The following ANO3 variants were observed in gnomAD, a reference collection of about 807,000 sequenced individuals.
The protein encoded by ANO3 is anoctamin-3.
A neutral mutation model predicts 144.8 loss-of-function variants in ANO3; 99 were observed. The observed-to-expected ratio is 0.68, with a 90% CI of 0.58 to 0.81. The LOEUF (loss-of-function observed/expected upper bound fraction) is 0.81. Ranked by LOEUF, ANO3 falls within the 30% of genes least tolerant of loss-of-function variation. The pLI is 0.00. For synonymous variants in ANO3, 414 were observed against 392.6 expected (o/e 1.05, Z -0.64); for missense variants, 905 against 1,202.2 (o/e 0.75, Z 3.66).
At chr11:26,561,106 T>C (rs1332730477) in intron 14 of ANO3, 3 of 1,612,442 alleles carry the variant, frequency 1.9e-6, no homozygotes, top group African/African-American at 2.7e-5. Flanking sequence ...TCCATAGGAA[T>C]GCCATCACGT....
chr11:26,428,893 A>G (rs1857997839), intron 1 of ANO3, among the ~76,000 whole-genome samples: 1 of 152,170 alleles, frequency 6.6e-6, no homozygotes, highest in Non-Finnish European at 1.5e-5. Flanking sequence ...CGAGAACTCT[A>G]AAGAATATAG....
chr11:26,266,501 T>A (rs2133831882), intron 1 of ANO3, among the ~76,000 whole-genome samples: 1 of 149,682 alleles, frequency 6.7e-6, no homozygotes, highest in Non-Finnish European at 1.5e-5. Flanking sequence ...TGGCGCAATC[T>A]CGGCTCACTG....
chr11:26,547,178 GCA>G (rs1399333170), intron 11 of ANO3, among the ~76,000 whole-genome samples: 1 of 151,746 alleles, frequency 6.6e-6, no homozygotes, highest in Non-Finnish European at 1.5e-5. Flanking sequence ...AAGAAGTATG[GCA>G]TATACCTAAA....
chr11:26,647,378 T>C (rs1853379307), intron 23 of ANO3, among the ~76,000 whole-genome samples: 1 of 152,228 alleles, frequency 6.6e-6, no homozygotes. Context: ...TCTTATGTAC[T>C]ATTTTTATTG....
intron 17 of ANO3, among the ~76,000 whole-genome samples, chr11:26,607,619 C>T (rs1274161804): frequency 1.3e-5 from 2 of 152,186 alleles, no homozygotes; most frequent in Non-Finnish European, 2.9e-5. Flanking sequence ...GTTAAGGCCT[C>T]CTACTATTAT....
At chr11:26,283,204 T>C (rs1590232799) in intron 1 of ANO3, among the ~76,000 whole-genome samples, 1 of 150,882 alleles carries the variant, frequency 6.6e-6, no homozygotes, top group Non-Finnish European at 1.5e-5. Context: ...AGGTATATGA[T>C]GTCATTGCAT....
intron 14 of ANO3, among the ~76,000 whole-genome samples, chr11:26,564,722 CACACACACACATAT>C (rs1850464904): frequency 1.9e-4 from 13 of 66,964 alleles, no homozygotes; most frequent in Admixed American, 4.2e-4. Context: ...CACACACACA[CACACACACACATAT>C]ATATATATAT....
At chr11:26,542,115 G>A (rs756381789) in intron 11 of ANO3, 47 bp downstream of exon 11, 1 of 1,580,894 alleles carries the variant, frequency 6.3e-7, no homozygotes, top group Non-Finnish European at 8.6e-7. Context: ...TCTGTTTTGT[G>A]TCATTGTCTT....
intron 1 of ANO3, among the ~76,000 whole-genome samples, chr11:26,271,559 G>A (rs920492752): frequency 6.6e-6 from 1 of 151,948 alleles, no homozygotes; most frequent in African/African-American, 2.4e-5. Flanking sequence ...TTTTATTTAA[G>A]CTCTTTCTAC....
chr11:26,352,318 T>C (rs1245873596), intron 1 of ANO3, among the ~76,000 whole-genome samples: 1 of 152,206 alleles, frequency 6.6e-6, no homozygotes, highest in Non-Finnish European at 1.5e-5. Flanking sequence ...GGCTGGGAAC[T>C]GAAGGCAGTG....
At chr11:26,351,311 G>A (rs964395331) in intron 1 of ANO3, among the ~76,000 whole-genome samples, 1 of 151,824 alleles carries the variant, frequency 6.6e-6, no homozygotes, top group African/African-American at 2.4e-5. Context: ...AACTTACCCT[G>A]CTCTGTTTTT....
intron 1 of ANO3, among the ~76,000 whole-genome samples, chr11:26,220,887 G>A (rs979944083): frequency 6.6e-6 from 1 of 152,176 alleles, no homozygotes; most frequent in East Asian, 1.9e-4. Flanking sequence ...AGGCATGACA[G>A]TGTGCATTTC....
chr11:26,615,002 A>C (rs530132034), intron 17 of ANO3, among the ~76,000 whole-genome samples: 1 of 151,654 alleles, frequency 6.6e-6, no homozygotes, highest in East Asian at 1.9e-4. Context: ...TATATATTCT[A>C]TTCTATTTAT....
At chr11:26,596,270 C>T (rs1224474404) in intron 14 of ANO3, among the ~76,000 whole-genome samples, 1 of 152,182 alleles carries the variant, frequency 6.6e-6, no homozygotes, top group Non-Finnish European at 1.5e-5. Context: ...CTCTGCCTCT[C>T]TCTTTCTCCT....
At chr11:26,581,210 G>T (rs552879972) in intron 14 of ANO3, among the ~76,000 whole-genome samples, 5 of 151,956 alleles carry the variant, frequency 3.3e-5, no homozygotes, top group Admixed American at 2.6e-4. Context: ...TTTTGAAGAT[G>T]ATGTGACTTA....
At chr11:26,322,603 T>C (rs1854787364) in intron 1 of ANO3, among the ~76,000 whole-genome samples, 1 of 152,082 alleles carries the variant, frequency 6.6e-6, no homozygotes, top group South Asian at 2.1e-4. Context: ...TTTCTTATGG[T>C]TAGAAAGGAA....
In ANO3 at chr11:26,661,545, T is replaced by C. The variant is rs906361234; in HGVS notation, c.*1101T>C. The C allele has an allele frequency of 6.6e-6, 1 of 152,584 alleles. No individual in the cohort carries two copies. Among genetic ancestry groups the C allele is most frequent in the Non-Finnish European group, 1.5e-5 (1 of 68,018 alleles). 9.5% of individuals were successfully genotyped at this position (152,584 alleles called of 1,614,324 possible). A position where few individuals can be genotyped will look rare whatever the true frequency, so the allele number is the denominator to read the frequency against. Reference sequence around the variant, plus strand: ...AACTAATGAAAATAATGCATGAATATAAATCTATATTATTTGCTAAAAAAA... The same window carrying C: ...AACTAATGAAAATAATGCATGAATACAAATCTATATTATTTGCTAAAAAAA... On this transcript the variant is annotated 3_prime_UTR_variant, in exon 27 of 27. Transcript: ENST00000256737.
intron 18 of ANO3, among the ~76,000 whole-genome samples, chr11:26,626,487 C>T (rs1308876323): frequency 6.6e-6 from 1 of 152,160 alleles, no homozygotes; most frequent in East Asian, 1.9e-4. Flanking sequence ...CCTAGTACCC[C>T]TGTCATTCTG....
At chr11:26,370,109 C>A (rs1856206222) in intron 1 of ANO3, among the ~76,000 whole-genome samples, 1 of 152,150 alleles carries the variant, frequency 6.6e-6, no homozygotes, top group Non-Finnish European at 1.5e-5. Flanking sequence ...TGTTCTCACC[C>A]ATATCTAGTC....
Sources: gnomAD v4.1 joint callset for allele counts (sites outside exome capture counted in the v4.1 genomes callset) on GRCh38, gnomAD v4.1.1 for gene constraint, MANE v1.5 for transcripts, NCBI Gene and HGNC (gene_info 2026-07-23, HGNC 2026-07-21) for gene names.